The following SLC52A2 variants were observed in gnomAD, a reference collection of about 807,000 sequenced individuals.
SLC52A2 encodes the protein solute carrier family 52 member 2.
Under a neutral mutation model 24.8 loss-of-function variants are expected in SLC52A2, and 16 were observed. The ratio of observed to expected loss-of-function variants is 0.64; its 90% CI spans 0.44 to 0.98. The LOEUF (loss-of-function observed/expected upper bound fraction) is 0.98, where lower values mean the gene tolerates loss of function less well. Among genes scored for constraint, SLC52A2 ranks in the 50% least tolerant of loss-of-function variants. The pLI is 0.00. For synonymous variants in SLC52A2, 335 were observed against 276.3 expected (o/e 1.21, Z -2.11); for missense variants, 612 against 575.9 (o/e 1.06, Z -0.64).
chr8:144,359,800 C>T lies in SLC52A2; in HGVS notation c.308C>T (p.Ala103Val), dbSNP rs1818709257. ...CTGGCCTCTCTGTGGCACCATGTGG[C>T]CCCAGTGGCAGGACAGTTGCATTCT... ...ALLASLWHHV[A>V]PVAGQLHSVA... Residue 103 changes from alanine (A) to valine (V), a missense_variant, in exon 3 of 5, where the codon GCC (alanine) becomes GTC (valine). Ala to Val is a moderately conservative substitution (Grantham distance 64). Transcript: ENST00000643944. 30 of 1,613,730 alleles carry T rather than the reference C, an allele frequency of 1.9e-5. No homozygotes were observed. Among genetic ancestry groups the T allele is most frequent in the Non-Finnish European group, 2.5e-5 (30 of 1,180,012 alleles).
rs1818595298 is a variant in SLC52A2 at position 144,358,617 on chromosome 8, C to T, written c.-559C>T. On this transcript the variant is annotated 5_prime_UTR_variant, in exon 1 of 5. Transcript: ENST00000643944. ...GGGCCCGGAACCGCCACGGGTGAGTCGGGTCGTGGCTGCTGCCGGGTCCTG... is the reference window on the plus strand; with the variant it reads ...GGGCCCGGAACCGCCACGGGTGAGTTGGGTCGTGGCTGCTGCCGGGTCCTG... The T allele has an allele frequency of 2.5e-6, 2 of 801,550 alleles. No individual in the cohort carries two copies. Among genetic ancestry groups the T allele is most frequent in the Admixed American group, 8.8e-5 (2 of 22,784 alleles). The allele number at this position is 801,550 out of a possible 1,614,324, so 49.7% of individuals were successfully genotyped here. A position where few individuals can be genotyped will look rare whatever the true frequency, so the allele number is the denominator to read the frequency against.
chr8:144,359,691 C>T lies in SLC52A2; in HGVS notation c.199C>T (p.Leu67Phe). ...LGNLGLLVVT[L>F]WRRLAPGKDE... ...GAACCTGGGTCTGCTGGTGGTGACC[C>T]TCTGGAGGAGGCTGGCCCCAGGAAA... Residue 67 changes from leucine (L) to phenylalanine (F), a missense_variant, in exon 3 of 5, where the codon CTC (leucine) becomes TTC (phenylalanine). Physicochemically the swap from Leu to Phe is conservative, Grantham distance 22. Transcript: ENST00000643944. The T allele has an allele frequency of 6.2e-7, 1 of 1,613,738 alleles. No homozygotes were observed. The highest frequency in any genetic ancestry group is 8.5e-7 in the Non-Finnish European group (1 of 1,180,000).
rs150137023 is a variant in SLC52A2, at chr8:144,359,649, G to C, written c.157G>C (p.Val53Leu). 1.2e-5 allele frequency: 20 copies of C among 1,613,862 alleles called. No homozygotes were observed. In the African/African-American group the frequency reaches 2.1e-4, roughly 17 times the overall value. ...EGWSLPSYVS[V>L]LVALGNLGLL... Reference sequence around the variant, plus strand: ...TTGGAGCCTCCCCTCTTACGTCTCTGTGCTTGTGGCTCTGGGGAACCTGGG... The same window carrying C: ...TTGGAGCCTCCCCTCTTACGTCTCTCTGCTTGTGGCTCTGGGGAACCTGGG... Residue 53 changes from valine to leucine, a missense_variant, in exon 3 of 5, where the codon GTG becomes CTG. By Grantham distance (32) the Val-to-Leu change is conservative. Transcript: ENST00000643944.
chr8:144,359,878 A>G lies in SLC52A2; in HGVS notation c.386A>G (p.Asn129Ser). 6.2e-7 allele frequency: 1 copy of G among 1,613,712 alleles called. No homozygotes were observed. The highest frequency in any genetic ancestry group is 8.5e-7 in the Non-Finnish European group (1 of 1,180,006). The change falls in exon 3 of 5, where the codon AAT (asparagine) becomes AGT (serine). Residue 129 changes from asparagine to serine, a missense_variant. Asn to Ser is a conservative substitution (Grantham distance 46). Transcript: ENST00000643944. ...FVLALACCASNVTFLPFLSHL... is the reference protein window; with the variant it reads ...FVLALACCASSVTFLPFLSHL... The stretch of plus-strand genomic sequence containing the variant: ...CTGGCACTGGCATGCTGTGCCTCGA[A>G]TGTCACTTTCCTGCCCTTCTTGAGC...
At position 144,361,016 on chromosome 8, in the gene SLC52A2, G is replaced by A. The variant is rs782057059; in HGVS notation, c.*1G>A. The A allele has an allele frequency of 2.5e-6, 4 of 1,611,524 alleles. No individual in the cohort carries two copies. Among genetic ancestry groups the A allele is most frequent in the Admixed American group, 1.7e-5 (1 of 59,954 alleles). On this transcript the variant is annotated 3_prime_UTR_variant, in exon 5 of 5. Coordinates refer to ENST00000643944, the MANE Select transcript of SLC52A2 (RefSeq NM_001363118.2). ...CTGTGCAGACCCCTGTGACTCCTGA[G>A]CCTGGGCAGGTGGGGACCCCGCTCC...
Position 144,358,861 on chromosome 8 carries a change from C to G in SLC52A2, c.-315C>G, listed in dbSNP as rs1025218951. ...GGATCTGACTTGGCTCTTGCGGTCG[C>G]GGGCACCGTGAAGCCCTGGGGTGTG... On this transcript the variant is annotated 5_prime_UTR_variant, in exon 1 of 5. Transcript: ENST00000643944. The G allele has an allele frequency of 2.3e-5, 5 of 214,164 alleles. No homozygotes were observed. Among genetic ancestry groups the G allele is most frequent in the Non-Finnish European group, 3.7e-5 (4 of 108,454 alleles). The allele number at this position is 214,164 out of a possible 1,614,324, so 13.3% of individuals were successfully genotyped here.
intron 2 of SLC52A2, 39 bp downstream of exon 2, chr8:144,359,462 G>T: frequency 6.2e-7 from 1 of 1,613,640 alleles, no homozygotes; most frequent in Non-Finnish European, 8.5e-7. Context: ...CAAGACTCCT[G>T]GGCTGCGGTC....
chr8:144,358,811 C>T lies in SLC52A2; in HGVS notation c.-365C>T. ...ACCGAGAGGGCGGCGCCCCTCCGAG[C>T]AGAGCCGTCCCGGCCACTCCCCTGG... On this transcript the variant is annotated 5_prime_UTR_variant, in exon 1 of 5. Transcript: ENST00000643944. 1 of 236,320 alleles carries T rather than the reference C, an allele frequency of 4.2e-6. No homozygotes were observed. The highest frequency in any genetic ancestry group is 8.2e-6 in the Non-Finnish European group (1 of 122,406). The allele number at this position is 236,320 out of a possible 1,614,324, so 14.6% of individuals were successfully genotyped here.
rs1252794333 is a variant in SLC52A2 at position 144,359,771 on chromosome 8, C to T, written c.279C>T (p.Ala93=). The T allele has an allele frequency of 6.2e-7, 1 of 1,613,596 alleles. No individual in the cohort carries two copies. The highest frequency in any genetic ancestry group is 1.7e-5 in the Admixed American group (1 of 60,022). ...AGGTGCTGGGCATGGTGGGCACAGC[C>T]CTGCTGGCCTCTCTGTGGCACCATG... ...VVQVLGMVGT[A]LLASLWHHVA... is the part of the protein sequence containing the mutation. The change falls in exon 3 of 5, where the codon GCC becomes GCT. Residue 93 remains alanine (A), a synonymous_variant. Transcript: ENST00000643944.
At position 144,358,718 on chromosome 8, in the gene SLC52A2, G is replaced by A; in HGVS notation, c.-458G>A. On this transcript the variant is annotated 5_prime_UTR_variant, in exon 1 of 5. Transcript: ENST00000643944. ...GTGGCGGGAAGCCGGCACTGGAGCG[G>A]GAGCGCACTGGGCGCGGGACCGGGA... 2.8e-6 allele frequency: 1 copy of A among 351,724 alleles called. No individual in the cohort carries two copies. Among genetic ancestry groups the A allele is most frequent in the Non-Finnish European group, 5.0e-6 (1 of 199,180 alleles). 21.8% of individuals were successfully genotyped at this position (351,724 alleles called of 1,614,324 possible). A position where few individuals can be genotyped will look rare whatever the true frequency, so the allele number is the denominator to read the frequency against.
rs1466890567 is a variant in SLC52A2, at chr8:144,358,626, G to C, written c.-550G>C. 1.4e-6 allele frequency: 1 copy of C among 724,506 alleles called. No homozygotes were observed. Among genetic ancestry groups the C allele is most frequent in the Non-Finnish European group, 1.9e-6 (1 of 527,764 alleles). 44.9% of individuals were successfully genotyped at this position (724,506 alleles called of 1,614,324 possible). A position where few individuals can be genotyped will look rare whatever the true frequency, so the allele number is the denominator to read the frequency against. ...ACCGCCACGGGTGAGTCGGGTCGTG[G>C]CTGCTGCCGGGTCCTGCGCGCTCCG... On this transcript the variant is annotated 5_prime_UTR_variant, in exon 1 of 5. Transcript: ENST00000643944.
Position 144,360,229 on chromosome 8 carries a change from A to G in SLC52A2, c.737A>G (p.Glu246Gly). Residue 246 changes from glutamate (E) to glycine (G), a missense_variant, in exon 3 of 5, where the codon GAG (glutamate) becomes GGG (glycine). Glu to Gly is a moderately conservative substitution (Grantham distance 98). Transcript: ENST00000643944. ...GAPGAEEEVE[E>G]SSPLQEPPSQ... is the part of the protein sequence containing the mutation. ...CCAGGAGCAGAGGAAGAGGTGGAAG[A>G]GTCCTCACCACTGCAAGAGCCACCA... 7.4e-6 allele frequency: 12 copies of G among 1,612,708 alleles called. No individual in the cohort carries two copies. The highest frequency in any genetic ancestry group is 1.0e-5 in the Non-Finnish European group (12 of 1,180,004).
chr8:144,359,705 G>C lies in SLC52A2; in HGVS notation c.213G>C (p.Leu71=). 2 of 1,613,668 alleles carry C rather than the reference G, an allele frequency of 1.2e-6. No individual in the cohort carries two copies. The highest frequency in any genetic ancestry group is 1.7e-6 in the Non-Finnish European group (2 of 1,180,006). Residue 71 remains leucine (L), a synonymous_variant, in exon 3 of 5, where the codon CTG becomes CTC. Coordinates refer to ENST00000643944, the MANE Select transcript of SLC52A2 (RefSeq NM_001363118.2). ...GLLVVTLWRR[L]APGKDEQVPI... ...TGGTGGTGACCCTCTGGAGGAGGCTGGCCCCAGGAAAGGACGAGCAGGTCC... is the reference window on the plus strand; with the variant it reads ...TGGTGGTGACCCTCTGGAGGAGGCTCGCCCCAGGAAAGGACGAGCAGGTCC...
In SLC52A2 at chr8:144,360,443, C is replaced by T. The variant is rs543461928; in HGVS notation, c.951C>T (p.Gly317=). The T allele has an allele frequency of 3.5e-5, 56 of 1,605,454 alleles. No individual in the cohort carries two copies. Among genetic ancestry groups the T allele is most frequent in the Non-Finnish European group, 4.6e-5 (54 of 1,179,864 alleles). Residue 317 remains glycine (G), a synonymous_variant, in exon 3 of 5, where the codon GGC becomes GGT. Coordinates refer to ENST00000643944, the MANE Select transcript of SLC52A2 (RefSeq NM_001363118.2). The part of the protein sequence containing the change: ...RLAYHLAVVL[G]SAANPLACFL... ...CCTACCACCTGGCTGTGGTGCTGGG[C>T]AGTGCTGCCAATCCCCTGGCCTGCT...
rs376552382 is a variant in SLC52A2 at position 144,360,830 on chromosome 8, G to A, written c.1153G>A (p.Val385Met). 3.3e-5 allele frequency: 54 copies of A among 1,613,158 alleles called. No individual in the cohort carries two copies. The highest frequency in any genetic ancestry group is 7.7e-5 in the South Asian group (7 of 91,062). ...GCTGTCGTGGGTGCTGTGTCTTGGC[G>A]TGTTCTCCTACGTGAAGGTGGCAGC... ...VVLSWVLCLG[V>M]FSYVKVAASS... Residue 385 changes from valine to methionine, a missense_variant, in exon 5 of 5, where the codon GTG becomes ATG. By Grantham distance (21) the Val-to-Met change is conservative (BLOSUM62 1). Transcript: ENST00000643944.
At position 144,361,215 on chromosome 8, in the gene SLC52A2, G is replaced by C; in HGVS notation, c.*200G>C. 1.7e-6 allele frequency: 1 copy of C among 591,746 alleles called. No homozygotes were observed. The highest frequency in any genetic ancestry group is 1.9e-5 in the African/African-American group (1 of 53,832). The allele number at this position is 591,746 out of a possible 1,614,324, so 36.7% of individuals were successfully genotyped here. A position where few individuals can be genotyped will look rare whatever the true frequency, so the allele number is the denominator to read the frequency against. On this transcript the variant is annotated 3_prime_UTR_variant, in exon 5 of 5. Coordinates refer to ENST00000643944, the MANE Select transcript of SLC52A2 (RefSeq NM_001363118.2). Reference sequence around the variant, plus strand: ...GCCAGGGACCAGTGGGGGCTGTAGGGTAAGCCCCTGAGCCTGGGACCTACA... The same window carrying C: ...GCCAGGGACCAGTGGGGGCTGTAGGCTAAGCCCCTGAGCCTGGGACCTACA...
In SLC52A2 at chr8:144,359,946, G is replaced by A; in HGVS notation, c.454G>A (p.Gly152Ser). ...RFLRSFFLGQ[G>S]LSALLPCVLA... ...CTTACGGTCATTCTTCCTGGGTCAAGGCCTGAGTGCCCTGCTGCCCTGCGT... is the reference window on the plus strand; with the variant it reads ...CTTACGGTCATTCTTCCTGGGTCAAAGCCTGAGTGCCCTGCTGCCCTGCGT... Residue 152 changes from glycine to serine, a missense_variant, in exon 3 of 5, where the codon GGC becomes AGC. By Grantham distance (56) the Gly-to-Ser change is moderately conservative. Transcript: ENST00000643944. 3 of 1,613,402 alleles carry A rather than the reference G, an allele frequency of 1.9e-6. No homozygotes were observed. Among genetic ancestry groups the A allele is most frequent in the Non-Finnish European group, 2.5e-6 (3 of 1,180,016 alleles).
Position 144,358,970 on chromosome 8 carries a change from A to G in SLC52A2, c.-206A>G. ...TGACTCCAGCCCCGCCTCTCCCTGG[A>G]GAGGAGGGCTCCACTCGCTCCTTCG... On this transcript the variant is annotated 5_prime_UTR_variant, in exon 1 of 5. Transcript: ENST00000643944. The G allele has an allele frequency of 3.2e-6, 1 of 310,886 alleles. No individual in the cohort carries two copies. The highest frequency in any genetic ancestry group is 6.5e-5 in the East Asian group (1 of 15,396). 19.3% of individuals were successfully genotyped at this position (310,886 alleles called of 1,614,324 possible).
Position 144,359,893 on chromosome 8 carries a change from CCTT to C in SLC52A2, c.405_407del (p.Phe135del), listed in dbSNP as rs1337709383. ...TGTGCCTCGAATGTCACTTTCCTGC[CCTT>C]CTTGAGCCACCTGCCACCTCGCTTC... On this transcript the variant is annotated inframe_deletion, in exon 3 of 5. Transcript: ENST00000643944. The C allele has an allele frequency of 3.1e-6, 5 of 1,613,616 alleles. No individual in the cohort carries two copies. The highest frequency in any genetic ancestry group is 1.7e-5 in the Admixed American group (1 of 60,002).
Sources: allele counts gnomAD v4.1 joint callset, GRCh38; gene constraint gnomAD v4.1.1; transcripts MANE v1.5; gene names NCBI Gene and HGNC (gene_info 2026-07-23, HGNC 2026-07-21).